Variants in CFAP77 observed in about 807,000 individuals in gnomAD.
CFAP77 encodes the protein cilia- and flagella-associated protein 77.
In CFAP77, 25 loss-of-function variants were observed where a neutral mutation model predicts 31.1. The observed-to-expected ratio is 0.80, with a 90% confidence interval of 0.59 to 1.12. The LOEUF (loss-of-function observed/expected upper bound fraction) is 1.12, where lower values mean the gene tolerates loss of function less well. Among genes scored for constraint, CFAP77 ranks in the 50% most tolerant of loss-of-function variants. The pLI is 0.00. For missense variants in CFAP77, 377 were observed against 397.3 expected (o/e 0.95, Z 0.44); for synonymous variants, 151 against 159.9 (o/e 0.94, Z 0.42).
intron 1 of CFAP77, among the ~76,000 whole-genome samples, chr9:132,493,738 C>G (rs1405981106): frequency 6.6e-6 from 1 of 152,264 alleles, no homozygotes; most frequent in Admixed American, 6.5e-5. Context: ...GAGGAGCGCA[C>G]CCCTTGTGTG....
chr9:132,436,205 G>A lies in CFAP77; in HGVS notation c.195+25739G>A, dbSNP rs563099450. ...GCCAAGCTCTCTCCAAATTCTCCAA[G>A]GGAGGGTCTTTCCTGGCCTCTCCCA... On this transcript the variant is annotated intron_variant, in intron 1 of 5. Coordinates refer to ENST00000393216, the MANE Select transcript of CFAP77 (RefSeq NM_001282957.2). 2.0e-5 allele frequency among the ~76,000 whole-genome samples: 3 copies of A among 152,304 alleles called. No homozygotes were observed. The East Asian group carries it at 5.8e-4, about 29-fold the overall frequency.
chr9:132,434,264 G>T (rs570345698), intron 1 of CFAP77, among the ~76,000 whole-genome samples: 1 of 152,090 alleles, frequency 6.6e-6, no homozygotes, highest in South Asian at 2.1e-4. Flanking sequence ...GCTCTTTGCC[G>T]CCTTTGTATC....
rs1008099714 is a variant in CFAP77 at position 132,526,318 on chromosome 9, C to A, written c.525-11283C>A. ...GATCTCGGCTCACTGCAACCTCCGCCTCCCGGGTTCATGCCATTCTCCTGC... is the reference window on the plus strand; with the variant it reads ...GATCTCGGCTCACTGCAACCTCCGCATCCCGGGTTCATGCCATTCTCCTGC... On this transcript the variant is annotated intron_variant, in intron 3 of 5. Coordinates refer to ENST00000393216, the MANE Select transcript of CFAP77 (RefSeq NM_001282957.2). Among the ~76,000 whole-genome samples the A allele has an allele frequency of 5.3e-5, 8 of 152,122 alleles. No homozygotes were observed. The East Asian group carries it at 1.5e-3, about 29-fold the overall frequency.
chr9:132,442,542 G>C (rs1850629821), intron 1 of CFAP77, among the ~76,000 whole-genome samples: 1 of 152,076 alleles, frequency 6.6e-6, no homozygotes, highest in Non-Finnish European at 1.5e-5. Context: ...AACACAGTGA[G>C]ACCCCATCTC....
At chr9:132,547,221 T>C (rs1242230521) in intron 5 of CFAP77, among the ~76,000 whole-genome samples, 2 of 152,196 alleles carry the variant, frequency 1.3e-5, no homozygotes, top group Non-Finnish European at 2.9e-5. Context: ...TGTGCACGCA[T>C]GACTCCAGGG....
chr9:132,410,694 G>A (rs749236489), intron 1 of CFAP77, among the ~76,000 whole-genome samples: 10 of 152,202 alleles, frequency 6.6e-5, no homozygotes, highest in Non-Finnish European at 1.2e-4. Context: ...CCACTAAAGG[G>A]ACTGATTGGG....
chr9:132,497,409 C>T lies in CFAP77; in HGVS notation c.196-1286C>T, dbSNP rs1360517349. ...TTTGGCGCAGCCAGAGTGGAGAGAT[C>T]CCGGGAAATGTAACACCCTGTGACT... is the stretch of plus-strand genomic sequence containing the variant. On this transcript the variant is annotated intron_variant, in intron 1 of 5. Transcript: ENST00000393216. This position sits in a 1 kb window ranked among gnomAD's most constrained non-coding sequence, Gnocchi z 4.9. Among the ~76,000 whole-genome samples, 2 of 152,234 alleles carry T rather than the reference C, an allele frequency of 1.3e-5. No homozygotes were observed. Among genetic ancestry groups the T allele is most frequent in the African/African-American group, 4.8e-5 (2 of 41,454 alleles).
intron 3 of CFAP77, among the ~76,000 whole-genome samples, chr9:132,515,538 C>T (rs966747730): frequency 1.3e-5 from 2 of 152,112 alleles, no homozygotes; most frequent in Admixed American, 1.3e-4. Context: ...TTTTATGAGT[C>T]CCTAAAAGTG....
chr9:132,455,778 C>T lies in CFAP77; in HGVS notation c.196-42917C>T, dbSNP rs1420881372. On this transcript the variant is annotated intron_variant, in intron 1 of 5. Transcript: ENST00000393216. This position sits in a 1 kb window ranked among gnomAD's most constrained non-coding sequence, Gnocchi z 4.1. The stretch of plus-strand genomic sequence containing the variant: ...AAAACGAACCCCAAATGTCTCTCCA[C>T]TCAGCTCCCAACAGGATGCAATTGT... 6.6e-6 allele frequency among the ~76,000 whole-genome samples: 1 copy of T among 152,076 alleles called. No homozygotes were observed. Among genetic ancestry groups the T allele is most frequent in the Non-Finnish European group, 1.5e-5 (1 of 68,010 alleles).
intron 5 of CFAP77, among the ~76,000 whole-genome samples, chr9:132,547,648 G>C (rs1373903142): frequency 6.6e-6 from 1 of 152,220 alleles, no homozygotes; most frequent in Non-Finnish European, 1.5e-5. Flanking sequence ...GCACAGCTGG[G>C]CTCCTGGGCC....
chr9:132,548,683 G>C (rs1001186946), intron 5 of CFAP77, among the ~76,000 whole-genome samples: 5 of 152,096 alleles, frequency 3.3e-5, no homozygotes, highest in African/African-American at 1.2e-4. Flanking sequence ...GGCTGGCGGG[G>C]GGGTCTCCAC....
intron 4 of CFAP77, among the ~76,000 whole-genome samples, chr9:132,537,931 T>C (rs1224577003): frequency 1.7e-4 from 26 of 152,102 alleles, no homozygotes; most frequent in Non-Finnish European, 1.5e-5. Flanking sequence ...AGGAGATGGG[T>C]CCGGGCCATC....
At position 132,455,834 on chromosome 9, in the gene CFAP77, G is replaced by A. The variant is rs72765878; in HGVS notation, c.196-42861G>A. Among the ~76,000 whole-genome samples the A allele has an allele frequency of 0.063, 9,640 of 152,286 alleles. 339 individuals are homozygous for A. Among genetic ancestry groups the A allele is most frequent in the Middle Eastern group, 0.1 (30 of 294 alleles). ...AAAGGCTGTAACTCTTAACTGTGGG[G>A]TTTGGGGAGGCCACAGAATGTAGTG... On this transcript the variant is annotated intron_variant, in intron 1 of 5. Transcript: ENST00000393216. The surrounding 1 kb of genome is among the most constrained non-coding windows in gnomAD (Gnocchi z 4.1).
intron 1 of CFAP77, among the ~76,000 whole-genome samples, chr9:132,460,369 C>T (rs1233362053): frequency 1.3e-5 from 2 of 152,116 alleles, no homozygotes; most frequent in Admixed American, 6.5e-5. Flanking sequence ...GTTTGAACGT[C>T]CATCAGCAGA....
intron 3 of CFAP77, among the ~76,000 whole-genome samples, chr9:132,528,559 G>C (rs1430966925): frequency 6.9e-6 from 1 of 144,644 alleles, no homozygotes; most frequent in Non-Finnish European, 1.5e-5. Flanking sequence ...TACCATCAGA[G>C]TGAACAGGCA....
At chr9:132,520,205 C>T (rs1852244513) in intron 3 of CFAP77, among the ~76,000 whole-genome samples, 1 of 152,086 alleles carries the variant, frequency 6.6e-6, no homozygotes, top group Non-Finnish European at 1.5e-5. Context: ...ATAACTCCTG[C>T]CTCAGCCATT....
chr9:132,447,053 C>T, intron 1 of CFAP77, among the ~76,000 whole-genome samples: 1 of 152,054 alleles, frequency 6.6e-6, no homozygotes. Context: ...CTGGGCCTGC[C>T]CAGTTCTCCC....
intron 5 of CFAP77, among the ~76,000 whole-genome samples, chr9:132,549,448 G>C (rs1313465588): frequency 6.6e-6 from 1 of 152,210 alleles, no homozygotes; most frequent in Non-Finnish European, 1.5e-5. Context: ...GAATGATTCA[G>C]AGGCCCTGAT....
At chr9:132,441,398 T>G (rs1850613583) in intron 1 of CFAP77, among the ~76,000 whole-genome samples, 1 of 152,200 alleles carries the variant, frequency 6.6e-6, no homozygotes, top group Admixed American at 6.5e-5. Flanking sequence ...AAATACGGCA[T>G]GTTTTTATTT....
Sources: gnomAD v4.1 joint callset for allele counts (sites outside exome capture counted in the v4.1 genomes callset) on GRCh38, gnomAD v4.1.1 for gene constraint, Gnocchi (gnomAD v3.1) non-coding constraint, MANE v1.5 for transcripts, NCBI Gene and HGNC (gene_info 2026-07-23, HGNC 2026-07-21) for gene names.